The following WLS variants were observed in gnomAD, a reference collection of about 807,000 sequenced individuals.
The protein encoded by WLS is protein wntless homolog.
In WLS, 23 loss-of-function variants were observed where a neutral mutation model predicts 62.8. That is an observed-to-expected ratio of 0.37 (90% CI 0.26 to 0.52). WLS has a LOEUF of 0.52. Among genes scored for constraint, WLS ranks in the 20% least tolerant of loss-of-function variants. The pLI, the probability that WLS is intolerant of heterozygous loss-of-function variation, is 0.92. For synonymous variants in WLS, 246 were observed against 244.1 expected (o/e 1.01, Z -0.07); for missense variants, 615 against 697.3 (o/e 0.88, Z 1.33).
At chr1:68,216,943 G>A (rs975992313) in intron 1 of WLS, among the ~76,000 whole-genome samples, 2 of 152,128 alleles carry the variant, frequency 1.3e-5, no homozygotes, top group Non-Finnish European at 2.9e-5. Context: ...GTAGGGCTGT[G>A]CGTTTATACC....
At chr1:68,164,312 G>T (rs1647030159) in intron 2 of WLS, among the ~76,000 whole-genome samples, 1 of 151,862 alleles carries the variant, frequency 6.6e-6, no homozygotes, top group Non-Finnish European at 1.5e-5. Context: ...AGGCTGGAGT[G>T]CAATGGCATG....
intron 10 of WLS, 66 bp from the exon 11 acceptor site, chr1:68,137,999 A>T: frequency 6.3e-7 from 1 of 1,585,480 alleles, no homozygotes; most frequent in Non-Finnish European, 8.6e-7. Context: ...TAACACCAAT[A>T]AAGGAACCAA....
intron 11 of WLS, among the ~76,000 whole-genome samples, chr1:68,103,447 C>T (rs181763367): frequency 3.3e-5 from 5 of 152,280 alleles, no homozygotes; most frequent in African/African-American, 7.2e-5. Flanking sequence ...GGGAGCACTG[C>T]GGTGCCCTTC....
Position 68,172,303 on chromosome 1 carries a change from AG to A in WLS, c.380-13057del, listed in dbSNP as rs1157072127. Reference sequence around the variant, plus strand: ...TCTGCACATGTATCCCAGAACTTAAAGTATAATTAAAAAAAAAAAATACTCA... The same window carrying A: ...TCTGCACATGTATCCCAGAACTTAAATATAATTAAAAAAAAAAAATACTCA... On this transcript the variant is annotated intron_variant, in intron 2 of 11. Transcript: ENST00000262348. Among the ~76,000 whole-genome samples, 659 of 113,780 alleles carry A rather than the reference AG, an allele frequency of 5.8e-3. 4 individuals are homozygous for A. The highest frequency in any genetic ancestry group is 0.023 in the African/African-American group (638 of 27,928). 74.6% of individuals were successfully genotyped at this position (113,780 alleles called of 152,430 possible).
In WLS at chr1:68,145,664, C is replaced by T. The variant is rs78539770; in HGVS notation, c.1278+205G>A. ...TACTGAAAATGGAAACACATTTGTA[C>T]CACAGAAAACACCAAGATTTAGGCC... On this transcript the variant is annotated intron_variant, in intron 9 of 11. Coordinates refer to ENST00000262348, the MANE Select transcript of WLS (RefSeq NM_024911.7). Among the ~76,000 whole-genome samples, 462 of 152,210 alleles carry T rather than the reference C, an allele frequency of 3.0e-3. 1 individual carries two copies. The highest frequency in any genetic ancestry group is 6.0e-3 in the Admixed American group (92 of 15,304).
chr1:68,185,555 G>T (rs1219002139), intron 2 of WLS, among the ~76,000 whole-genome samples: 1 of 152,108 alleles, frequency 6.6e-6, no homozygotes, highest in Non-Finnish European at 1.5e-5. Context: ...TCATAGGAGT[G>T]GGAACCCTAT....
intron 2 of WLS, chr1:68,186,765 CAT>C (rs1268056158): frequency 2.1e-5 from 9 of 438,108 alleles, no homozygotes; most frequent in Admixed American, 1.8e-4. Context: ...TATACTAAAA[CAT>C]GTGTGTATAT....
intron 2 of WLS, among the ~76,000 whole-genome samples, chr1:68,167,001 C>T (rs1647069556): frequency 6.6e-6 from 1 of 152,086 alleles, no homozygotes; most frequent in Admixed American, 6.5e-5. Flanking sequence ...CTTTACTAGA[C>T]TGTGATATCA....
In WLS at chr1:68,111,197, C is replaced by T. The variant is rs189403907; in HGVS notation, c.1511-12444G>A. ...ATCTATAGTATTTTTGTTATAGTAGCCTGAGCTAAGACAGCTTTATATAAG... is the reference window on the plus strand; with the variant it reads ...ATCTATAGTATTTTTGTTATAGTAGTCTGAGCTAAGACAGCTTTATATAAG... On this transcript the variant is annotated intron_variant, in intron 11 of 11. Coordinates refer to the WLS transcript ENST00000354777. Among the ~76,000 whole-genome samples the T allele has an allele frequency of 2.0e-5, 3 of 152,258 alleles. No homozygotes were observed. The East Asian group carries it at 5.8e-4, about 29-fold the overall frequency.
intron 1 of WLS, among the ~76,000 whole-genome samples, chr1:68,204,501 G>C (rs1470571046): frequency 6.6e-6 from 1 of 152,034 alleles, no homozygotes; most frequent in Admixed American, 6.6e-5. Context: ...TAGAGACGGG[G>C]CTTCACCGTA....
chr1:68,160,488 G>C (rs1646957889), intron 2 of WLS, among the ~76,000 whole-genome samples: 1 of 152,208 alleles, frequency 6.6e-6, no homozygotes, highest in African/African-American at 2.4e-5. Flanking sequence ...GTAGTAACAA[G>C]AGTTGGAAAT....
chr1:68,112,724 C>T (rs1044176212), intron 11 of WLS, among the ~76,000 whole-genome samples: 5 of 152,158 alleles, frequency 3.3e-5, no homozygotes, highest in African/African-American at 4.8e-5. Context: ...ACCGACTGCA[C>T]GGTTCATGTA....
chr1:68,193,109 CA>C (rs1017978952), intron 2 of WLS, among the ~76,000 whole-genome samples: 21 of 138,632 alleles, frequency 1.5e-4, no homozygotes, highest in Admixed American at 5.1e-4. Flanking sequence ...AACTCTGTTT[CA>C]AAAAAAAAAG....
chr1:68,124,062 TC>T (rs2100367979), downstream of WLS, among the ~76,000 whole-genome samples: 1 of 152,242 alleles, frequency 6.6e-6, no homozygotes, highest in East Asian at 1.9e-4. Flanking sequence ...CCCATTCCCT[TC>T]CCCAGCGAGG....
At chr1:68,199,158 T>TA (rs1416535342) in intron 1 of WLS, among the ~76,000 whole-genome samples, 1 of 152,230 alleles carries the variant, frequency 6.6e-6, no homozygotes, top group African/African-American at 2.4e-5. Flanking sequence ...TAAGCCAACA[T>TA]AGACTATTTA....
In WLS at chr1:68,232,294, A is replaced by G; in HGVS notation, c.6T>C (p.Ala2=). 6.2e-7 allele frequency: 1 copy of G among 1,613,522 alleles called. No homozygotes were observed. Among genetic ancestry groups the G allele is most frequent in the South Asian group, 1.1e-5 (1 of 90,928 alleles). M[A]GAIIENMSTK... is the part of the protein sequence containing the mutation. ...TGCTCATGTTTTCTATAATTGCCCC[A>G]GCCATTTTTGCGCCCCCCCTTTTTC... The change falls in exon 1 of 12, where the codon GCT becomes GCC. Residue 2 remains alanine, a synonymous_variant. Transcript: ENST00000262348.
At chr1:68,098,806 A>G (rs1272685527) in intron 11 of WLS, 6 of 1,582,198 alleles carry the variant, frequency 3.8e-6, no homozygotes, top group Middle Eastern at 1.7e-4. Flanking sequence ...TTAAAAAAAT[A>G]TGTAACATGG....
intron 11 of WLS, among the ~76,000 whole-genome samples, chr1:68,129,054 G>T (rs1459402183): frequency 6.6e-5 from 10 of 152,178 alleles, no homozygotes; most frequent in Admixed American, 6.5e-4. Flanking sequence ...GCCGGGTGCG[G>T]TGGCTCACAT....
At position 68,193,940 on chromosome 1, in the gene WLS, G is replaced by A; in HGVS notation, c.379+15C>T. On this transcript the variant is annotated intron_variant, in intron 2 of 11. Transcript: ENST00000262348. The stretch of plus-strand genomic sequence containing the variant: ...CTCAAAGGGAAGAAAGGGATGAGAG[G>A]AGAGTACACTTAACTGATTTGGTTG... 6.2e-7 allele frequency: 1 copy of A among 1,608,972 alleles called. No homozygotes were observed. The highest frequency in any genetic ancestry group is 8.5e-7 in the Non-Finnish European group (1 of 1,176,576).
Sources: gnomAD v4.1 joint callset for allele counts (sites outside exome capture counted in the v4.1 genomes callset) on GRCh38, gnomAD v4.1.1 for gene constraint, MANE v1.5 for transcripts, NCBI Gene and HGNC (gene_info 2026-07-23, HGNC 2026-07-21) for gene names.